KCNT1: variants seen among roughly 807,000 people sequenced by gnomAD.
KCNT1 encodes the protein potassium channel subfamily T member 1.
KCNT1 carries 78 observed loss-of-function variants against 147.8 expected under a neutral mutation model. That is an observed-to-expected ratio of 0.53 (90% CI 0.44 to 0.64). KCNT1 has a LOEUF of 0.64. KCNT1 is among the 30% of genes least tolerant of loss of function. The pLI is 0.00. For synonymous variants in KCNT1, 867 were observed against 748.8 expected (o/e 1.16, Z -2.58); for missense variants, 1,419 against 1,750.3 (o/e 0.81, Z 3.38).
chr9:135,772,683 G>A (rs956617103), intron 18 of KCNT1, 32 bp from the exon 19 acceptor site: 6 of 1,350,402 alleles, frequency 4.4e-6, no homozygotes, highest in Admixed American at 7.4e-5. Flanking sequence ...GGTGGGAGTC[G>A]GGCTGTGGCC....
Position 135,770,415 on chromosome 9 carries a change from C to T in KCNT1, c.1737C>T (p.Ser579=), listed in dbSNP as rs775919081. 6.2e-7 allele frequency: 1 copy of T among 1,613,054 alleles called. No homozygotes were observed. The highest frequency in any genetic ancestry group is 1.1e-5 in the South Asian group (1 of 91,036). The change falls in exon 17 of 31, where the codon AGC becomes AGT. Residue 579 remains serine, a synonymous_variant. Coordinates refer to ENST00000371757, the MANE Select transcript of KCNT1 (RefSeq NM_020822.3). ...TCTTCCGCGAGTACGAGGGCAAGAG[C>T]TTCACCTACGCGGCCTTCCACGCCC... The part of the protein sequence containing the change: ...SKFFREYEGK[S]FTYAAFHAHK...
intron 2 of KCNT1, among the ~76,000 whole-genome samples, chr9:135,740,856 G>A (rs534292530): frequency 1.3e-5 from 2 of 152,140 alleles, no homozygotes; most frequent in Admixed American, 1.3e-4. Context: ...CTGGACCACC[G>A]TGGGTTTGGA....
rs186630019 is a variant in KCNT1, at chr9:135,773,946, C to A, written c.2243+997C>A. ...GGCGGGCAGAGCCCTGTGGGTTTTG[C>A]ATGTGGCTGAAAAGCCTGGTCTAGG... On this transcript the variant is annotated intron_variant, in intron 19 of 30. Coordinates refer to ENST00000371757, the MANE Select transcript of KCNT1 (RefSeq NM_020822.3). 3.7e-3 allele frequency among the ~76,000 whole-genome samples: 570 copies of A among 152,004 alleles called. 1 individual carries two copies. The highest frequency in any genetic ancestry group is 5.8e-3 in the Admixed American group (88 of 15,290).
At position 135,753,963 on chromosome 9, in the gene KCNT1, C is replaced by G; in HGVS notation, c.461C>G (p.Ser154Cys). 1 of 1,614,146 alleles carries G rather than the reference C, an allele frequency of 6.2e-7. No individual in the cohort carries two copies. The highest frequency in any genetic ancestry group is 1.1e-5 in the South Asian group (1 of 91,084). ...TGGGGCTGCCCAAAGCAGAACTACT[C>G]CTTCAATGACTCGTCCTCCGAGATC... The part of the protein sequence containing the change: ...GCWGCPKQNY[S>C]FNDSSSEINW... Residue 154 changes from serine (S) to cysteine (C), a missense_variant, in exon 5 of 31, where the codon TCC becomes TGC. Transcript: ENST00000371757.
chr9:135,770,371 C>T lies in KCNT1; in HGVS notation c.1693C>T (p.Arg565Cys), dbSNP rs535093138. The part of the protein sequence containing the change: ...RCSGNEVYHI[R>C]MGDSKFFREY... ...CTCCGGCAACGAGGTGTACCACATCCGCATGGGTGACAGCAAGTTCTTCCG... is the reference window on the plus strand; with the variant it reads ...CTCCGGCAACGAGGTGTACCACATCTGCATGGGTGACAGCAAGTTCTTCCG... Residue 565 changes from arginine (R) to cysteine (C), a missense_variant, in exon 17 of 31, where the codon CGC (arginine) becomes TGC (cysteine). Coordinates refer to ENST00000371757, the MANE Select transcript of KCNT1 (RefSeq NM_020822.3). 9 of 1,613,222 alleles carry T rather than the reference C, an allele frequency of 5.6e-6. No homozygotes were observed. In the Admixed American group the frequency reaches 6.7e-5, roughly 12 times the overall value.
chr9:135,738,002 G>A (rs1830411158), intron 2 of KCNT1, among the ~76,000 whole-genome samples: 1 of 152,204 alleles, frequency 6.6e-6, no homozygotes, highest in African/African-American at 2.4e-5. Flanking sequence ...GGCGTGGGGG[G>A]AAGGGGGAGG....
At chr9:135,740,707 C>T (rs985974611) in intron 2 of KCNT1, among the ~76,000 whole-genome samples, 16 of 152,216 alleles carry the variant, frequency 1.1e-4, no homozygotes, top group African/African-American at 3.6e-4. Flanking sequence ...GTGTTGACAG[C>T]GAGCCTGGCC....
intron 1 of KCNT1, among the ~76,000 whole-genome samples, chr9:135,707,494 C>G (rs896827330): frequency 6.6e-6 from 1 of 152,228 alleles, no homozygotes; most frequent in East Asian, 1.9e-4. Flanking sequence ...ACAGCGTGGC[C>G]GGGGGCAGGG....
intron 1 of KCNT1, among the ~76,000 whole-genome samples, chr9:135,703,326 G>A (rs1564305790): frequency 6.6e-6 from 1 of 152,200 alleles, no homozygotes; most frequent in Non-Finnish European, 1.5e-5. Context: ...CTGAGAGCGG[G>A]AGGCCTGGTG....
At chr9:135,736,361 C>T (rs1196334807) in intron 2 of KCNT1, among the ~76,000 whole-genome samples, 1 of 152,124 alleles carries the variant, frequency 6.6e-6, no homozygotes, top group Non-Finnish European at 1.5e-5. Context: ...CTCCTCCCCT[C>T]CCCCCGTGCG....
intron 25 of KCNT1, among the ~76,000 whole-genome samples, 195 bp from the exon 26 acceptor site, chr9:135,784,340 G>T (rs779625190): frequency 4.6e-5 from 7 of 152,138 alleles, no homozygotes; most frequent in African/African-American, 1.2e-4. Flanking sequence ...CTTAGAAAAG[G>T]CCTCCCAGAA....
intron 2 of KCNT1, among the ~76,000 whole-genome samples, chr9:135,715,417 G>A (rs1462942685): frequency 6.6e-6 from 1 of 152,196 alleles, no homozygotes; most frequent in Non-Finnish European, 1.5e-5. Context: ...CTGGGGAGGC[G>A]CTTTTTTGCC....
intron 29 of KCNT1, chr9:135,789,636 A>C (rs1029567998): frequency 2.6e-5 from 4 of 152,134 alleles, no homozygotes; most frequent in Admixed American, 2.6e-4. Flanking sequence ...GTGACCGTGG[A>C]TGCCAAGAGC....
At chr9:135,791,975 AGCAGAGGGCTGAGCAGGGGCTGCCCG>A (rs1834571710) in intron 30 of KCNT1, 40 bp from the exon 31 acceptor site, 3 of 1,607,730 alleles carry the variant, frequency 1.9e-6, no homozygotes, top group Admixed American at 1.7e-5. Context: ...GGGGCCGCTC[AGCAGAGGGCTGAGCAGGGGCTGCCCG>A]GCCCACATCC....
chr9:135,735,255 G>A (rs938471725), intron 2 of KCNT1, among the ~76,000 whole-genome samples: 1 of 152,230 alleles, frequency 6.6e-6, no homozygotes, highest in Non-Finnish European at 1.5e-5. Context: ...ATCGGGGAGG[G>A]CGCTAGGGCA....
chr9:135,749,127 G>T (rs1831002615), intron 2 of KCNT1, among the ~76,000 whole-genome samples: 1 of 152,198 alleles, frequency 6.6e-6, no homozygotes, highest in Non-Finnish European at 1.5e-5. Flanking sequence ...CCTCTCAGGG[G>T]ATCATTAAAC....
At chr9:135,764,890 C>T in intron 11 of KCNT1, 141 bp from the exon 12 acceptor site, 1 of 749,238 alleles carries the variant, frequency 1.3e-6, no homozygotes, top group Non-Finnish European at 2.1e-6. Context: ...TGGGAAAGGC[C>T]CCCCTAATGT....
intron 24 of KCNT1, among the ~76,000 whole-genome samples, chr9:135,780,114 G>A (rs114368139): frequency 0.014 from 2,105 of 152,336 alleles, 43 homozygotes; most frequent in African/African-American, 0.047. Flanking sequence ...CACTGTTGCT[G>A]TTGCCTTGAT....
chr9:135,718,424 G>T (rs1432835264), intron 2 of KCNT1, among the ~76,000 whole-genome samples: 1 of 152,228 alleles, frequency 6.6e-6, no homozygotes, highest in African/African-American at 2.4e-5. Context: ...GAGGGGAGGG[G>T]ACACTGGGAT....
Sources: allele counts gnomAD v4.1 joint callset (sites outside exome capture counted in the v4.1 genomes callset), GRCh38; gene constraint gnomAD v4.1.1; transcripts MANE v1.5; gene names NCBI Gene and HGNC (gene_info 2026-07-23, HGNC 2026-07-21).